The following PPARGC1A variants were observed in gnomAD, a reference collection of about 807,000 sequenced individuals.
The protein encoded by PPARGC1A is peroxisome proliferator-activated receptor gamma coactivator 1-alpha.
PPARGC1A carries 25 observed loss-of-function variants against 88.7 expected under a neutral mutation model. That is an observed-to-expected ratio of 0.28 (90% CI 0.21 to 0.39). The LOEUF is 0.39. PPARGC1A is among the 10% of genes least tolerant of loss of function. PPARGC1A has a pLI of 1.00. For missense variants in PPARGC1A, 880 were observed against 968.7 expected (o/e 0.91, Z 1.22); for synonymous variants, 363 against 355.6 (o/e 1.02, Z -0.24).
chr4:24,192,689 A>G, the PPARGC1A span, among the ~76,000 whole-genome samples: 3 of 152,362 alleles, frequency 2.0e-5, no homozygotes, highest in South Asian at 6.2e-4. Context: ...AATTAGAAAA[A>G]TCTACATCCT....
the PPARGC1A span, among the ~76,000 whole-genome samples, chr4:24,096,342 G>A: frequency 1.3e-5 from 2 of 152,122 alleles, no homozygotes; most frequent in Non-Finnish European, 2.9e-5. Flanking sequence ...TTATAGCAGT[G>A]TAAGAATGGA....
the PPARGC1A span, among the ~76,000 whole-genome samples, chr4:24,127,710 T>C: frequency 2.0e-5 from 3 of 152,114 alleles, no homozygotes; most frequent in African/African-American, 7.2e-5. Flanking sequence ...GGAGGACAGT[T>C]ACCTCCTTCT....
At chr4:24,057,481 G>A in the PPARGC1A span, among the ~76,000 whole-genome samples, 2 of 150,172 alleles carry the variant, frequency 1.3e-5, no homozygotes, top group Non-Finnish European at 3.0e-5. Flanking sequence ...AAAGCCATGG[G>A]GACAGCCAGC....
chr4:24,164,699 C>T, the PPARGC1A span, among the ~76,000 whole-genome samples: 12 of 152,284 alleles, frequency 7.9e-5, no homozygotes, highest in East Asian at 2.3e-3. Flanking sequence ...GAAAGCACTG[C>T]CACATTACAT....
chr4:24,151,659 A>G, the PPARGC1A span, among the ~76,000 whole-genome samples: 1 of 152,204 alleles, frequency 6.6e-6, no homozygotes, highest in Non-Finnish European at 1.5e-5. Context: ...CAATCTGTTC[A>G]CAAAGATGAG....
At chr4:24,022,789 G>T in the PPARGC1A span, among the ~76,000 whole-genome samples, 4 of 152,192 alleles carry the variant, frequency 2.6e-5, no homozygotes, top group African/African-American at 9.7e-5. Flanking sequence ...CCCTTTCAAT[G>T]CCAAATGGAT....
chr4:24,122,862 C>T, the PPARGC1A span, among the ~76,000 whole-genome samples: 2 of 152,114 alleles, frequency 1.3e-5, no homozygotes, highest in Non-Finnish European at 2.9e-5. Flanking sequence ...AGGCTAAATG[C>T]AATAAGGTGC....
chr4:24,445,413 A>C, the PPARGC1A span, among the ~76,000 whole-genome samples: 3 of 152,178 alleles, frequency 2.0e-5, no homozygotes, highest in African/African-American at 4.8e-5. Context: ...CTTTTTGTCT[A>C]TTCTGATGAC....
chr4:24,339,237 TACAC>T, the PPARGC1A span, among the ~76,000 whole-genome samples: 17 of 104,312 alleles, frequency 1.6e-4, no homozygotes, highest in East Asian at 2.9e-4. Flanking sequence ...TATATATATA[TACAC>T]ACACACACAC....
the PPARGC1A span, among the ~76,000 whole-genome samples, chr4:24,089,505 C>CTTTTTTTTTTT: frequency 6.8e-5 from 5 of 73,810 alleles, no homozygotes; most frequent in African/African-American, 1.9e-4. Context: ...CTTTTCTTTT[C>CTTTTTTTTTTT]TTTTCTTTCT....
chr4:23,813,168 A>G (rs369062934), intron 8 of PPARGC1A, 43 bp from the exon 9 acceptor site: 126 of 1,545,530 alleles, frequency 8.2e-5, no homozygotes, highest in Non-Finnish European at 1.0e-4. Flanking sequence ...TGCAACTGCC[A>G]CTTAACCCAA....
chr4:24,111,014 T>A, the PPARGC1A span, among the ~76,000 whole-genome samples: 1 of 152,212 alleles, frequency 6.6e-6, no homozygotes, highest in South Asian at 2.1e-4. Context: ...GATTTTTTGA[T>A]CATTTCTTAT....
the PPARGC1A span, among the ~76,000 whole-genome samples, chr4:24,061,722 C>A: frequency 6.6e-6 from 1 of 152,172 alleles, no homozygotes; most frequent in Non-Finnish European, 1.5e-5. Flanking sequence ...TCTCTTTGAA[C>A]TGTGGCTCTA....
At chr4:23,857,859 A>G (rs6850464) in intron 2 of PPARGC1A, among the ~76,000 whole-genome samples, 28,495 of 151,324 alleles carry the variant, frequency 0.19, 3,051 homozygotes, top group African/African-American at 0.3. Context: ...TTTAGGTACT[A>G]AGCCTAGTTC....
chr4:24,434,630 G>T, the PPARGC1A span, among the ~76,000 whole-genome samples: 3 of 152,176 alleles, frequency 2.0e-5, no homozygotes, highest in Non-Finnish European at 2.9e-5. Context: ...AAAGCAAAAG[G>T]CTCAGACAGA....
At chr4:23,842,389 C>T (rs1577471963) in intron 2 of PPARGC1A, among the ~76,000 whole-genome samples, 1 of 152,206 alleles carries the variant, frequency 6.6e-6, no homozygotes, top group South Asian at 2.1e-4. Flanking sequence ...CTTAAGCATT[C>T]CCTTCCATGG....
At chr4:24,385,140 C>T in the PPARGC1A span, among the ~76,000 whole-genome samples, 1 of 152,128 alleles carries the variant, frequency 6.6e-6, no homozygotes, top group Non-Finnish European at 1.5e-5. Context: ...CAAATGACTA[C>T]TGGGGGGTAA....
At chr4:23,863,620 T>C (rs1052817588) in intron 2 of PPARGC1A, among the ~76,000 whole-genome samples, 4 of 152,198 alleles carry the variant, frequency 2.6e-5, no homozygotes, top group African/African-American at 9.7e-5. Flanking sequence ...ACATCTAGCA[T>C]AAATCCGTGC....
At chr4:24,017,521 T>G in the PPARGC1A span, among the ~76,000 whole-genome samples, 1 of 151,778 alleles carries the variant, frequency 6.6e-6, no homozygotes, top group African/African-American at 2.4e-5. Flanking sequence ...AACAGAGAGA[T>G]AGCGCACATA....
Sources: gnomAD v4.1 joint callset for allele counts (sites outside exome capture counted in the v4.1 genomes callset) on GRCh38, gnomAD v4.1.1 for gene constraint, MANE v1.5 for transcripts, NCBI Gene and HGNC (gene_info 2026-07-23, HGNC 2026-07-21) for gene names.